The following VTI1A variants were observed in gnomAD, a reference collection of about 807,000 sequenced individuals.
The protein encoded by VTI1A is vesicle transport through interaction with t-SNAREs homolog 1A.
A neutral mutation model predicts 34.9 loss-of-function variants in VTI1A; 22 were observed. That is an observed-to-expected ratio of 0.63 (90% CI 0.45 to 0.90). The LOEUF (loss-of-function observed/expected upper bound fraction) is 0.90. VTI1A is among the 40% of genes least tolerant of loss of function. The pLI, the probability that VTI1A is intolerant of heterozygous loss-of-function variation, is 0.00. For missense variants in VTI1A, 268 were observed against 275.6 expected (o/e 0.97, Z 0.20); for synonymous variants, 87 against 97.3 (o/e 0.89, Z 0.62).
chr10:112,503,324 C>T (rs1849310682), intron 3 of VTI1A, among the ~76,000 whole-genome samples: 2 of 152,120 alleles, frequency 1.3e-5, no homozygotes, highest in South Asian at 2.1e-4. Context: ...TCATGAGATC[C>T]GCCTTTTTAG....
chr10:112,647,119 T>C (rs945280673), intron 5 of VTI1A, among the ~76,000 whole-genome samples: 1 of 152,112 alleles, frequency 6.6e-6, no homozygotes, highest in South Asian at 2.1e-4. Context: ...AAGAAAAAAA[T>C]GAGTGGAGAG....
chr10:112,581,895 T>C (rs1564836191), intron 5 of VTI1A, among the ~76,000 whole-genome samples: 1 of 152,184 alleles, frequency 6.6e-6, no homozygotes, highest in Non-Finnish European at 1.5e-5. Context: ...TAAACTACAA[T>C]TGGAATATCT....
chr10:112,714,967 A>T (rs1849552991), intron 7 of VTI1A, among the ~76,000 whole-genome samples: 1 of 152,226 alleles, frequency 6.6e-6, no homozygotes, highest in Non-Finnish European at 1.5e-5. Flanking sequence ...AGTTATATGG[A>T]TAAAATTAAA....
At position 112,776,465 on chromosome 10, in the gene VTI1A, G is replaced by A. The variant is rs1202172413; in HGVS notation, c.561-38825G>A. 2.6e-5 allele frequency among the ~76,000 whole-genome samples: 4 copies of A among 152,136 alleles called. No homozygotes were observed. In the South Asian group the frequency reaches 8.3e-4, roughly 32 times the overall value. On this transcript the variant is annotated intron_variant, in intron 7 of 7. Transcript: ENST00000393077. The stretch of plus-strand genomic sequence containing the variant: ...GGCGGTCTGTTCTGGTCTGTGTCCC[G>A]GAAACAAGATGGTTATGAGCAGAGA...
chr10:112,520,256 G>A (rs1366866386), intron 3 of VTI1A, among the ~76,000 whole-genome samples: 1 of 151,974 alleles, frequency 6.6e-6, no homozygotes, highest in African/African-American at 2.4e-5. Context: ...CTGATTTTCT[G>A]AATGAAGTAA....
the VTI1A span, among the ~76,000 whole-genome samples, chr10:112,852,564 G>A: frequency 6.6e-6 from 1 of 152,226 alleles, no homozygotes; most frequent in Non-Finnish European, 1.5e-5. Context: ...GGGTTGGCAC[G>A]TGGGCATTAT....
intron 5 of VTI1A, among the ~76,000 whole-genome samples, chr10:112,622,650 C>T (rs751878584): frequency 3.3e-5 from 5 of 152,126 alleles, no homozygotes; most frequent in Non-Finnish European, 5.9e-5. Context: ...TACCCAGAGT[C>T]AGTGTGTTCA....
intron 7 of VTI1A, among the ~76,000 whole-genome samples, chr10:112,781,357 G>C (rs1852120830): frequency 6.6e-6 from 1 of 152,212 alleles, no homozygotes; most frequent in African/African-American, 2.4e-5. Flanking sequence ...CAGGCATGCA[G>C]TCTGCCCCAG....
intron 1 of VTI1A, among the ~76,000 whole-genome samples, chr10:112,452,566 CAA>C (rs57884472): frequency 0.21 from 27,834 of 134,568 alleles, 3,094 homozygotes; most frequent in African/African-American, 0.34. Flanking sequence ...GACTCTGTCT[CAA>C]AAAAAAAAAA....
chr10:112,756,154 A>G (rs2134000015), intron 7 of VTI1A, among the ~76,000 whole-genome samples: 1 of 152,322 alleles, frequency 6.6e-6, no homozygotes, highest in East Asian at 1.9e-4. Flanking sequence ...AGAAAGGGGT[A>G]AAAGTTATTA....
chr10:112,843,945 A>AGTT, the VTI1A span, among the ~76,000 whole-genome samples: 1 of 152,014 alleles, frequency 6.6e-6, no homozygotes, highest in African/African-American at 2.4e-5. Flanking sequence ...CATATTTAGG[A>AGTT]GTTGGGTTAG....
intron 7 of VTI1A, among the ~76,000 whole-genome samples, chr10:112,753,252 G>A (rs184703886): frequency 8.9e-4 from 134 of 151,234 alleles, no homozygotes; most frequent in Middle Eastern, 3.4e-3. Flanking sequence ...AAACAGCCAA[G>A]AAACTTTACT....
At chr10:112,619,894 A>G (rs1376336141) in intron 5 of VTI1A, among the ~76,000 whole-genome samples, 1 of 152,214 alleles carries the variant, frequency 6.6e-6, no homozygotes, top group African/African-American at 2.4e-5. Context: ...AGGGGAGGAC[A>G]TAATTGAAAG....
At chr10:112,559,949 G>A (rs535234889) in intron 5 of VTI1A, among the ~76,000 whole-genome samples, 11 of 152,324 alleles carry the variant, frequency 7.2e-5, no homozygotes, top group African/African-American at 2.6e-4. Flanking sequence ...ACACACGTGT[G>A]TGGGGATGTA....
intron 3 of VTI1A, among the ~76,000 whole-genome samples, chr10:112,505,690 T>A (rs1849405617): frequency 6.6e-6 from 1 of 151,948 alleles, no homozygotes; most frequent in Non-Finnish European, 1.5e-5. Context: ...TTTTTTTTTT[T>A]TGAGATGGGG....
rs566782779 is a variant in VTI1A, at chr10:112,458,117, G to A, written c.95-2407G>A. Reference sequence around the variant, plus strand: ...TGAAAGGAGAGGAATATTAGCAAAGGGGAATACAGGTCAAGGGAGGCTTCT... The same window carrying A: ...TGAAAGGAGAGGAATATTAGCAAAGAGGAATACAGGTCAAGGGAGGCTTCT... On this transcript the variant is annotated intron_variant, in intron 1 of 7. Coordinates refer to ENST00000393077, the MANE Select transcript of VTI1A (RefSeq NM_145206.4). Among the ~76,000 whole-genome samples, 116 of 152,118 alleles carry A rather than the reference G, an allele frequency of 7.6e-4. 1 individual carries two copies. The Middle Eastern group carries it at 0.014, about 18-fold the overall frequency.
At chr10:112,789,245 A>T (rs1165164693) in intron 7 of VTI1A, among the ~76,000 whole-genome samples, 1 of 152,032 alleles carries the variant, frequency 6.6e-6, no homozygotes, top group African/African-American at 2.4e-5. Context: ...AAATTCTCTT[A>T]TTCTTTGTTT....
At chr10:112,502,313 C>T (rs1347695146) in intron 3 of VTI1A, among the ~76,000 whole-genome samples, 2 of 152,006 alleles carry the variant, frequency 1.3e-5, no homozygotes, top group Admixed American at 6.6e-5. Context: ...AGATTACAGG[C>T]GTGAACTACT....
At chr10:112,813,976 A>G (rs1370416716) in intron 7 of VTI1A, among the ~76,000 whole-genome samples, 3 of 152,188 alleles carry the variant, frequency 2.0e-5, no homozygotes, top group African/African-American at 7.2e-5. Context: ...TTAGGGGGCC[A>G]CGAGGGAGTG....
Sources: allele counts gnomAD v4.1 joint callset (sites outside exome capture counted in the v4.1 genomes callset), GRCh38; gene constraint gnomAD v4.1.1; transcripts MANE v1.5; gene names NCBI Gene and HGNC (gene_info 2026-07-23, HGNC 2026-07-21).